The following MAT2B variants were observed in gnomAD, a reference collection of about 807,000 sequenced individuals.
The protein encoded by MAT2B is methionine adenosyltransferase 2 non-catalytic beta subunit.
Under a neutral mutation model 36.1 loss-of-function variants are expected in MAT2B, and 16 were observed. The ratio of observed to expected loss-of-function variants is 0.44; its 90% confidence interval spans 0.30 to 0.67. MAT2B has a LOEUF of 0.67. Ranked by LOEUF, MAT2B falls within the 30% of genes least tolerant of loss-of-function variation. The pLI is 0.09. For synonymous variants in MAT2B, 148 were observed against 136.9 expected (o/e 1.08, Z -0.57); for missense variants, 332 against 398.2 (o/e 0.83, Z 1.42).
chr5:163,517,716 G>C, intron 6 of MAT2B, 42 bp downstream of exon 6: 1 of 1,200,168 alleles, frequency 8.3e-7, no homozygotes, highest in Non-Finnish European at 1.2e-6. Context: ...CATTGCTATG[G>C]TATATATTAT....
At chr5:163,507,874 G>C (rs1759971098) in intron 1 of MAT2B, among the ~76,000 whole-genome samples, 1 of 152,166 alleles carries the variant, frequency 6.6e-6, no homozygotes, top group Non-Finnish European at 1.5e-5. Flanking sequence ...TTAAGTAAAC[G>C]AAACTATTCG....
chr5:163,505,382 C>T (rs1469296312), upstream of MAT2B: 1 of 273,746 alleles, frequency 3.7e-6, no homozygotes, highest in African/African-American at 2.3e-5. Context: ...ATAAAAAGCA[C>T]TCAAATAAAA....
upstream of MAT2B, among the ~76,000 whole-genome samples, chr5:163,505,080 G>A (rs7710409): frequency 0.034 from 5,094 of 151,832 alleles, 251 homozygotes; most frequent in African/African-American, 0.11. Context: ...TCACACACAG[G>A]TTTTTTCTTT....
upstream of MAT2B, chr5:163,503,181 A>G: frequency 2.0e-6 from 1 of 509,746 alleles, no homozygotes. Flanking sequence ...CGAGACTACT[A>G]CGGGGAATCA....
In MAT2B at chr5:163,516,812, A is replaced by G. The variant is rs769296671; in HGVS notation, c.720+101A>G. The G allele has an allele frequency of 1.8e-5, 23 of 1,306,326 alleles. No homozygotes were observed. In the South Asian group the frequency reaches 2.6e-4, roughly 15 times the overall value. 80.9% of individuals were successfully genotyped at this position (1,306,326 alleles called of 1,614,324 possible). On this transcript the variant is annotated intron_variant, in intron 5 of 6. Transcript: ENST00000321757. ...CTTGGAGTGTTACTGAGTGAAAGCC[A>G]AAAGTGCTTTTTTAAAACTAGGAGA... is the stretch of plus-strand genomic sequence containing the variant.
At chr5:163,505,102 C>T (rs981920910), upstream of MAT2B, among the ~76,000 whole-genome samples, 1 of 151,618 alleles carries the variant, frequency 6.6e-6, no homozygotes, top group African/African-American at 2.4e-5. Context: ...TTTAAGCATC[C>T]CAGGAAGACA....
At chr5:163,503,163 G>C (rs1759875003), upstream of MAT2B, 12 of 455,528 alleles carry the variant, frequency 2.6e-5, no homozygotes, top group East Asian at 4.1e-4. Context: ...CTTCTCATTG[G>C]GTATTTTCGA....
intron 1 of MAT2B, among the ~76,000 whole-genome samples, chr5:163,506,903 G>A (rs1316885472): frequency 6.6e-6 from 1 of 152,174 alleles, no homozygotes; most frequent in Non-Finnish European, 1.5e-5. Context: ...CTCAAAACCT[G>A]TAGAATTAAA....
At chr5:163,509,332 AAGGT>A (rs1267134481) in intron 1 of MAT2B, among the ~76,000 whole-genome samples, 1 of 152,140 alleles carries the variant, frequency 6.6e-6, no homozygotes, top group Non-Finnish European at 1.5e-5. Flanking sequence ...CATTTTGAGA[AAGGT>A]AGATGGCACT....
chr5:163,507,015 T>G (rs1759957443), intron 1 of MAT2B, among the ~76,000 whole-genome samples: 1 of 152,158 alleles, frequency 6.6e-6, no homozygotes, highest in Non-Finnish European at 1.5e-5. Flanking sequence ...CACAGTAGCG[T>G]CGCAGTAGAA....
chr5:163,507,115 A>G (rs1212287361), intron 1 of MAT2B, among the ~76,000 whole-genome samples: 1 of 152,242 alleles, frequency 6.6e-6, no homozygotes, highest in Admixed American at 6.5e-5. Context: ...GGGGAATTAA[A>G]AAATTAAACA....
intron 5 of MAT2B, chr5:163,516,951 A>G: frequency 1.7e-6 from 1 of 580,026 alleles, no homozygotes. Context: ...TTTTATTGCA[A>G]AGTGTTAGGA....
intron 4 of MAT2B, among the ~76,000 whole-genome samples, chr5:163,514,769 G>A (rs7735035): frequency 0.98 from 150,013 of 152,344 alleles, 73,897 homozygotes; most frequent in East Asian, 1. Context: ...CAGCCCTAGT[G>A]TAGAATACCT....
upstream of MAT2B, among the ~76,000 whole-genome samples, chr5:163,504,344 C>T (rs867388363): frequency 6.7e-6 from 1 of 149,882 alleles, no homozygotes; most frequent in Non-Finnish European, 1.5e-5. Flanking sequence ...AAAAAAAAAT[C>T]GGAACATAAG....
intron 5 of MAT2B, 127 bp downstream of exon 5, chr5:163,516,838 C>T: frequency 1.2e-6 from 1 of 845,490 alleles, no homozygotes; most frequent in East Asian, 2.6e-5. Flanking sequence ...AACTAGGAGA[C>T]CAAACAAAAG....
At chr5:163,503,522 A>G, upstream of MAT2B, 1 of 1,124,996 alleles carries the variant, frequency 8.9e-7, no homozygotes, top group Non-Finnish European at 1.3e-6. Flanking sequence ...TGTTGTGTAA[A>G]GAAAATAGAA....
intron 1 of MAT2B, among the ~76,000 whole-genome samples, chr5:163,510,950 G>T (rs1261725174): frequency 6.6e-6 from 1 of 152,098 alleles, no homozygotes; most frequent in Non-Finnish European, 1.5e-5. Flanking sequence ...CAGATTTGAC[G>T]CAAATACTAA....
intron 1 of MAT2B, among the ~76,000 whole-genome samples, chr5:163,510,542 C>G (rs1760021558): frequency 6.6e-6 from 1 of 151,844 alleles, no homozygotes. Context: ...TTACAGGCAC[C>G]TGCAACCACG....
intron 4 of MAT2B, among the ~76,000 whole-genome samples, chr5:163,515,368 A>G (rs1478332440): frequency 6.6e-6 from 1 of 152,216 alleles, no homozygotes; most frequent in Non-Finnish European, 1.5e-5. Context: ...ATAGATTCAC[A>G]AATTGTTGAT....
Sources: gnomAD v4.1 joint callset for allele counts (sites outside exome capture counted in the v4.1 genomes callset) on GRCh38, gnomAD v4.1.1 for gene constraint, MANE v1.5 for transcripts, NCBI Gene and HGNC (gene_info 2026-07-23, HGNC 2026-07-21) for gene names.